The following NSUN7 variants were observed in gnomAD, a reference collection of about 807,000 sequenced individuals.
NSUN7 encodes the protein protein NSUN7.
A neutral mutation model predicts 58.5 loss-of-function variants in NSUN7; 39 were observed. That is an observed-to-expected ratio of 0.67 (90% CI 0.52 to 0.87). The LOEUF (loss-of-function observed/expected upper bound fraction) is 0.87. Among genes scored for constraint, NSUN7 ranks in the 40% least tolerant of loss-of-function variants. The pLI, the probability that NSUN7 is intolerant of heterozygous loss-of-function variation, is 0.00. For missense variants in NSUN7, 765 were observed against 844.1 expected, an observed-to-expected ratio of 0.91 and a Z score of 1.16; for synonymous variants, 278 against 303.7, an observed-to-expected ratio of 0.92 and a Z score of 0.88.
In NSUN7 at chr4:40,761,125, A is replaced by G. The variant is rs761158162; in HGVS notation, c.358-46A>G. On this transcript the variant is annotated intron_variant, in intron 3 of 11. Transcript: ENST00000381782. ...AATGGAATGGAAAATATTGCTGGTT[A>G]GATATTGTTTGTATACTTTTCTTTA... is the stretch of plus-strand genomic sequence containing the variant. The G allele has an allele frequency of 2.1e-6, 3 of 1,425,966 alleles. No individual in the cohort carries two copies. The South Asian group carries it at 3.8e-5, about 18-fold the overall frequency. 88.3% of individuals were successfully genotyped at this position (1,425,966 alleles called of 1,614,324 possible). A position where few individuals can be genotyped will look rare whatever the true frequency, so the allele number is the denominator to read the frequency against.
intron 10 of NSUN7, among the ~76,000 whole-genome samples, chr4:40,802,991 G>A (rs1198643244): frequency 2.3e-5 from 3 of 128,824 alleles, no homozygotes; most frequent in African/African-American, 9.1e-5. Context: ...CTGTGTCCAT[G>A]TGTTCTCATT....
At chr4:40,782,820 T>C (rs1560556736) in intron 7 of NSUN7, among the ~76,000 whole-genome samples, 4 of 151,988 alleles carry the variant, frequency 2.6e-5, no homozygotes, top group Non-Finnish European at 5.9e-5. Context: ...AGTGAGCTGG[T>C]TCATGCCACT....
chr4:40,797,731 T>G (rs578001680), intron 9 of NSUN7, among the ~76,000 whole-genome samples: 1 of 152,302 alleles, frequency 6.6e-6, no homozygotes, highest in East Asian at 1.9e-4. Flanking sequence ...CCCTCTGCAC[T>G]CTATTCTTAA....
At chr4:40,763,521 G>A (rs1022129002) in intron 4 of NSUN7, among the ~76,000 whole-genome samples, 3 of 152,132 alleles carry the variant, frequency 2.0e-5, no homozygotes, top group African/African-American at 4.8e-5. Context: ...TCTCAGAGGG[G>A]CTGATGACAG....
intron 4 of NSUN7, chr4:40,773,239 G>A (rs778850877): frequency 1.3e-5 from 2 of 152,174 alleles, no homozygotes; most frequent in Non-Finnish European, 2.9e-5. Context: ...TAATAACAAG[G>A]TAAGTTGACC....
intron 2 of NSUN7, among the ~76,000 whole-genome samples, chr4:40,757,714 G>GTATATATACACAC (rs1741232738): frequency 4.6e-5 from 3 of 65,912 alleles, no homozygotes; most frequent in African/African-American, 2.4e-4. Flanking sequence ...CATTGTGTGT[G>GTATATATACACAC]TGTGTATATA....
intron 2 of NSUN7, among the ~76,000 whole-genome samples, chr4:40,758,691 CAAAAAAT>C (rs1458176127): frequency 2.0e-5 from 3 of 151,494 alleles, no homozygotes; most frequent in Non-Finnish European, 4.4e-5. Flanking sequence ...TTTTAAAAAA[CAAAAAAT>C]AAAAATAAAA....
At chr4:40,768,048 A>G (rs182960802) in intron 4 of NSUN7, among the ~76,000 whole-genome samples, 84 of 152,294 alleles carry the variant, frequency 5.5e-4, no homozygotes, top group Non-Finnish European at 9.7e-4. Context: ...TAGCCAATGA[A>G]GTGGTATTCT....
At chr4:40,788,174 T>A (rs1296860715) in intron 7 of NSUN7, among the ~76,000 whole-genome samples, 1 of 152,170 alleles carries the variant, frequency 6.6e-6, no homozygotes, top group African/African-American at 2.4e-5. Flanking sequence ...GTGGTACAGT[T>A]AGGTTTTAGT....
chr4:40,794,575 C>T (rs1333524827), intron 9 of NSUN7, 99 bp downstream of exon 9: 1 of 640,394 alleles, frequency 1.6e-6, no homozygotes, highest in Non-Finnish European at 2.7e-6. Context: ...AAGTGTGAGC[C>T]ATGAGCACAT....
chr4:40,765,338 A>G (rs1473805690), intron 4 of NSUN7, among the ~76,000 whole-genome samples: 3 of 139,052 alleles, frequency 2.2e-5, no homozygotes, highest in Non-Finnish European at 4.7e-5. Flanking sequence ...TAAATAGGGA[A>G]TCCTTTCCCC....
chr4:40,781,631 A>G (rs1242901583), intron 7 of NSUN7, among the ~76,000 whole-genome samples: 3 of 151,976 alleles, frequency 2.0e-5, no homozygotes, highest in Non-Finnish European at 4.4e-5. Flanking sequence ...TTTTTTGTAG[A>G]GATGACATCT....
intron 4 of NSUN7, among the ~76,000 whole-genome samples, chr4:40,771,193 C>T (rs1036761947): frequency 6.6e-6 from 1 of 152,126 alleles, no homozygotes; most frequent in South Asian, 2.1e-4. Flanking sequence ...GGTGATGTAG[C>T]GATGCTTCTG....
chr4:40,752,555 G>A (rs996706847), intron 2 of NSUN7, among the ~76,000 whole-genome samples: 1 of 152,062 alleles, frequency 6.6e-6, no homozygotes, highest in African/African-American at 2.4e-5. Context: ...TGAGTAGCTG[G>A]GACTACAGGC....
At chr4:40,785,989 G>A (rs1227899145) in intron 7 of NSUN7, 4 of 1,339,614 alleles carry the variant, frequency 3.0e-6, no homozygotes, top group Non-Finnish European at 4.0e-6. Context: ...GGCTGGGAGA[G>A]ACGCTGAGTG....
In NSUN7 at chr4:40,786,827, A is replaced by G; in HGVS notation, c.1037-3775A>G. 4.7e-6 allele frequency: 5 copies of G among 1,069,526 alleles called. No homozygotes were observed. The South Asian group carries it at 6.8e-5, about 15-fold the overall frequency. The allele number at this position is 1,069,526 out of a possible 1,614,324, so 66.3% of individuals were successfully genotyped here. ...CCTGTCTGCCCTCCTGGATGCTATT[A>G]AAGCTTTGTTTTGTTGAACAATCAG... On this transcript the variant is annotated intron_variant, in intron 7 of 11. Transcript: ENST00000381782.
intron 7 of NSUN7, among the ~76,000 whole-genome samples, chr4:40,781,988 A>G (rs566660473): frequency 1.3e-5 from 2 of 152,332 alleles, no homozygotes; most frequent in African/African-American, 4.8e-5. Context: ...ACCTAATAAC[A>G]TAGTCCTAAA....
At chr4:40,794,591 A>G in intron 9 of NSUN7, 115 bp downstream of exon 9, 1 of 585,538 alleles carries the variant, frequency 1.7e-6, no homozygotes. Flanking sequence ...CACATTTTCC[A>G]GAACATTCAG....
intron 9 of NSUN7, among the ~76,000 whole-genome samples, chr4:40,797,366 C>T (rs149940488): frequency 1.7e-4 from 26 of 152,264 alleles, no homozygotes; most frequent in East Asian, 1.3e-3. Flanking sequence ...GCTTATATTT[C>T]CAGCTGCCTT....
Sources: allele counts gnomAD v4.1 joint callset (sites outside exome capture counted in the v4.1 genomes callset), GRCh38; gene constraint gnomAD v4.1.1; transcripts MANE v1.5; gene names NCBI Gene and HGNC (gene_info 2026-07-23, HGNC 2026-07-21).